The following DAB1 variants were observed in gnomAD, a reference collection of about 807,000 sequenced individuals.
DAB1 encodes the protein disabled homolog 1.
Under a neutral mutation model 64.6 loss-of-function variants are expected in DAB1, and 15 were observed. The ratio of observed to expected loss-of-function variants is 0.23; its 90% CI spans 0.16 to 0.36. The LOEUF is 0.36. Ranked by LOEUF, DAB1 falls within the 10% of genes least tolerant of loss-of-function variation. The pLI is 1.00. For synonymous variants in DAB1, 235 were observed against 251.9 expected (o/e 0.93, Z 0.64); for missense variants, 596 against 706.7 (o/e 0.84, Z 1.78).
chr1:57,858,881 A>T (rs948760327), intron 1 of DAB1, among the ~76,000 whole-genome samples: 9 of 151,434 alleles, frequency 5.9e-5, no homozygotes, highest in South Asian at 4.2e-4. Flanking sequence ...CACATGGGCA[A>T]CTCTTAAGGG....
chr1:58,173,850 G>A (rs74075938), intron 4 of DAB1, among the ~76,000 whole-genome samples: 28,846 of 151,958 alleles, frequency 0.19, 2,929 homozygotes, highest in East Asian at 0.37. Flanking sequence ...GACCCTATCA[G>A]TACCCCTCAA....
intron 4 of DAB1, among the ~76,000 whole-genome samples, chr1:58,299,695 C>G (rs1281990728): frequency 6.6e-6 from 1 of 152,146 alleles, no homozygotes; most frequent in Non-Finnish European, 1.5e-5. Flanking sequence ...TGGAATGTAA[C>G]ACATCTTTCT....
intron 3 of DAB1, among the ~76,000 whole-genome samples, chr1:58,409,080 C>CT (rs1181187627): frequency 2.6e-5 from 4 of 152,200 alleles, no homozygotes; most frequent in Non-Finnish European, 5.9e-5. Flanking sequence ...CAGCTATGTA[C>CT]TCTATATACA....
chr1:58,284,777 T>A (rs1661644625), intron 4 of DAB1, among the ~76,000 whole-genome samples: 1 of 152,142 alleles, frequency 6.6e-6, no homozygotes, highest in Admixed American at 6.5e-5. Context: ...AATCATGAAG[T>A]CTCATCACTG....
intron 7 of DAB1, among the ~76,000 whole-genome samples, chr1:57,474,509 A>G (rs901210496): frequency 1.3e-5 from 2 of 152,224 alleles, no homozygotes. Flanking sequence ...TATGATTTAC[A>G]TTTCCTGTAG....
intron 5 of DAB1, among the ~76,000 whole-genome samples, chr1:57,952,944 T>C (rs1040144570): frequency 1.3e-5 from 2 of 152,308 alleles, no homozygotes; most frequent in South Asian, 4.1e-4. Context: ...TAATCACTTT[T>C]CCCTATTGTT....
rs537609333 is a variant in DAB1 at position 57,178,346 on chromosome 1, T to A, written c.68-32917A>T. Among the ~76,000 whole-genome samples, 67 of 151,316 alleles carry A rather than the reference T, an allele frequency of 4.4e-4. No individual in the cohort carries two copies. The Middle Eastern group carries it at 0.017, about 39-fold the overall frequency. ...TAGCATAGAACTTCAAACCCAGATG[T>A]TATAGAATGGAGTTTTAAAATTGTA... On this transcript the variant is annotated intron_variant, in intron 2 of 14. Transcript: ENST00000371236.
chr1:58,496,407 T>A (rs566884290), intron 3 of DAB1, among the ~76,000 whole-genome samples: 1 of 152,236 alleles, frequency 6.6e-6, no homozygotes, highest in Non-Finnish European at 1.5e-5. Context: ...AACCTTATCA[T>A]GCCAGCTTCA....
At chr1:58,337,147 C>T (rs578188886) in intron 4 of DAB1, among the ~76,000 whole-genome samples, 203 of 151,744 alleles carry the variant, frequency 1.3e-3, no homozygotes, top group Non-Finnish European at 2.5e-3. Flanking sequence ...CCAGGCGTGG[C>T]GATGCGGGCC....
chr1:57,122,360 T>A (rs1299952309), intron 4 of DAB1, among the ~76,000 whole-genome samples: 1 of 152,128 alleles, frequency 6.6e-6, no homozygotes, highest in East Asian at 1.9e-4. Flanking sequence ...GAAAAACAAA[T>A]GACTTCAAGG....
chr1:58,499,314 C>CAAAAAAA (rs58217798), intron 3 of DAB1, among the ~76,000 whole-genome samples: 2 of 69,742 alleles, frequency 2.9e-5, no homozygotes, highest in Non-Finnish European at 5.7e-5. Context: ...CACATCTCTA[C>CAAAAAAA]AAAAAAAAAA....
chr1:57,289,233 T>C (rs1271698106), intron 2 of DAB1, among the ~76,000 whole-genome samples: 3 of 152,178 alleles, frequency 2.0e-5, no homozygotes, highest in Non-Finnish European at 4.4e-5. Context: ...GTTTTGCATG[T>C]TAAAATGAAG....
At chr1:58,323,232 A>C (rs1054600026) in intron 4 of DAB1, among the ~76,000 whole-genome samples, 5 of 97,340 alleles carry the variant, frequency 5.1e-5, no homozygotes, top group African/African-American at 1.6e-4. Flanking sequence ...TAGAACTTAA[A>C]GTATAATAAT....
Position 57,062,930 on chromosome 1 carries a change from T to C in DAB1, c.677A>G (p.Gln226Arg). 6.2e-7 allele frequency: 1 copy of C among 1,614,134 alleles called. No homozygotes were observed. The change falls in exon 9 of 15, where the codon CAA becomes CGA. Residue 226 changes from glutamine to arginine, a missense_variant. This residue lies in a region of DAB1 where 176 missense variants were observed against 266.7 expected (regional missense o/e 0.66). Transcript: ENST00000371236. ...CACATCATAAACACCTTCCTTCTTT[T>C]GGCTGGTGGGAACCTATGGAAAAAT... ...EENIYQVPTS[Q>R]KKEGVYDVPK...
At chr1:57,200,357 T>C (rs1664991475) in intron 2 of DAB1, among the ~76,000 whole-genome samples, 1 of 152,222 alleles carries the variant, frequency 6.6e-6, no homozygotes, top group Non-Finnish European at 1.5e-5. Flanking sequence ...CTCAATTCTC[T>C]TGCATGAAAC....
intron 2 of DAB1, among the ~76,000 whole-genome samples, chr1:57,194,990 A>T (rs1664505711): frequency 6.6e-6 from 1 of 152,236 alleles, no homozygotes; most frequent in Non-Finnish European, 1.5e-5. Flanking sequence ...AAAGTGTAAT[A>T]ACTTTGGGTC....
intron 4 of DAB1, among the ~76,000 whole-genome samples, chr1:58,289,200 T>C (rs2100448120): frequency 1.3e-5 from 2 of 152,332 alleles, no homozygotes; most frequent in South Asian, 4.1e-4. Context: ...ATTACCTTTT[T>C]TCTGTGCCTT....
intron 1 of DAB1, chr1:57,862,602 C>G (rs1443248210): frequency 6.6e-6 from 1 of 152,098 alleles, no homozygotes; most frequent in African/African-American, 2.4e-5. Flanking sequence ...TTTAGATATT[C>G]TTACAACTCT....
intron 5 of DAB1, among the ~76,000 whole-genome samples, chr1:58,049,723 G>T (rs1647505516): frequency 6.6e-6 from 1 of 152,040 alleles, no homozygotes. Context: ...AAATAGAAAT[G>T]ATACCTCACA....
Sources: allele counts gnomAD v4.1 joint callset (sites outside exome capture counted in the v4.1 genomes callset), GRCh38; gene constraint gnomAD v4.1.1; regional missense constraint gnomAD v4.1.1; transcripts MANE v1.5; gene names NCBI Gene and HGNC (gene_info 2026-07-23, HGNC 2026-07-21).